Variants in C1GALT1 observed in about 807,000 individuals in gnomAD.
C1GALT1 encodes core 1 synthase, glycoprotein-N-acetylgalactosamine 3-beta-galactosyltransferase 1.
Under a neutral mutation model 31.0 loss-of-function variants are expected in C1GALT1, and 11 were observed. The ratio of observed to expected loss-of-function variants is 0.36; its 90% confidence interval spans 0.22 to 0.59. C1GALT1 has a LOEUF of 0.59. C1GALT1 is among the 20% of genes least tolerant of loss of function. C1GALT1 has a pLI of 0.79. For missense variants in C1GALT1, 424 were observed against 425.2 expected (o/e 1.00, Z 0.03); for synonymous variants, 175 against 143.6 (o/e 1.22, Z -1.56).
intron 1 of C1GALT1, among the ~76,000 whole-genome samples, chr7:7,201,112 GGT>G (rs1781514129): frequency 1.3e-5 from 2 of 152,136 alleles, no homozygotes; most frequent in African/African-American, 4.8e-5. Flanking sequence ...TTTCTGCTCT[GGT>G]TTCTCCCCAT....
In C1GALT1 at chr7:7,247,743, A is replaced by G. The variant is rs1194958311; in HGVS notation, c.*4016A>G. The G allele has an allele frequency of 3.3e-5, 5 of 151,978 alleles. No individual in the cohort carries two copies. Among genetic ancestry groups the G allele is most frequent in the African/African-American group, 1.2e-4 (5 of 41,418 alleles). The allele number at this position is 151,978 out of a possible 1,614,324, so 9.4% of individuals were successfully genotyped here. A position where few individuals can be genotyped will look rare whatever the true frequency, so the allele number is the denominator to read the frequency against. On this transcript the variant is annotated 3_prime_UTR_variant, in exon 4 of 4. Coordinates refer to ENST00000436587, the MANE Select transcript of C1GALT1 (RefSeq NM_020156.5). ...TTTATTGCCCTTCTTTGTTTGCTTT[A>G]TTACTAACTTCCATTTTCTAGTTAC...
rs1284650124 is a variant in C1GALT1, at chr7:7,238,980, A to G, written c.888+58A>G. ...CTTGGACTGACTGAATTTTGTTGAT[A>G]AAAACATGTTAATATGTGTATGTTT... On this transcript the variant is annotated intron_variant, in intron 3 of 3. Transcript: ENST00000436587. The surrounding 1 kb of genome is among the most constrained non-coding windows in gnomAD (Gnocchi z 5.2). The G allele has an allele frequency of 2.2e-6, 3 of 1,366,504 alleles. No homozygotes were observed. Among genetic ancestry groups the G allele is most frequent in the Admixed American group, 2.2e-5 (1 of 46,128 alleles). The allele number at this position is 1,366,504 out of a possible 1,614,324, so 84.6% of individuals were successfully genotyped here. A position where few individuals can be genotyped will look rare whatever the true frequency, so the allele number is the denominator to read the frequency against.
intron 1 of C1GALT1, among the ~76,000 whole-genome samples, chr7:7,190,491 A>C (rs1316791698): frequency 6.6e-6 from 1 of 152,178 alleles, no homozygotes; most frequent in Non-Finnish European, 1.5e-5. Flanking sequence ...TGATGTAGAG[A>C]ACAGTTTCTC....
At chr7:7,171,828 C>T (rs1780456853) in intron 2 of C1GALT1, among the ~76,000 whole-genome samples, 1 of 152,046 alleles carries the variant, frequency 6.6e-6, no homozygotes, top group Admixed American at 6.6e-5. Flanking sequence ...TGCATTGATA[C>T]CAACTTAACT....
At chr7:7,242,542 A>G (rs185692723) in intron 3 of C1GALT1, among the ~76,000 whole-genome samples, 2 of 152,140 alleles carry the variant, frequency 1.3e-5, no homozygotes, top group Admixed American at 6.5e-5. Context: ...AACTTGCCAG[A>G]CTATCTCCCT....
intron 1 of C1GALT1, among the ~76,000 whole-genome samples, chr7:7,228,540 C>CA (rs574651166): frequency 9.3e-4 from 142 of 151,890 alleles, no homozygotes; most frequent in African/African-American, 3.3e-3. Flanking sequence ...TGATTTTTGC[C>CA]AAAAATCTGA....
Position 7,189,332 on chromosome 7 carries a change from A to T in C1GALT1, c.-18+6512A>T, listed in dbSNP as rs151044462. ...TCAAGGCATAATTAGTTAAAAATTT[A>T]AAAAGATGTTGTGAAATGCCCTTCC... On this transcript the variant is annotated intron_variant, in intron 1 of 3. Transcript: ENST00000436587. Among the ~76,000 whole-genome samples, 38 of 152,312 alleles carry T rather than the reference A, an allele frequency of 2.5e-4. No individual in the cohort carries two copies. In the East Asian group the frequency reaches 7.3e-3, roughly 29 times the overall value.
At chr7:7,208,944 T>G (rs142413929) in intron 1 of C1GALT1, among the ~76,000 whole-genome samples, 3 of 152,212 alleles carry the variant, frequency 2.0e-5, no homozygotes, top group Non-Finnish European at 4.4e-5. Context: ...GTTTTCAGTA[T>G]ACTTTGAGAG....
At chr7:7,191,898 G>A (rs1781090553) in intron 1 of C1GALT1, among the ~76,000 whole-genome samples, 2 of 151,974 alleles carry the variant, frequency 1.3e-5, no homozygotes, top group Non-Finnish European at 2.9e-5. Context: ...CGATTTGCCT[G>A]TATTTTCACC....
chr7:7,223,777 T>A (rs1782623000), intron 1 of C1GALT1, among the ~76,000 whole-genome samples: 1 of 152,160 alleles, frequency 6.6e-6, no homozygotes, highest in Admixed American at 6.5e-5. Context: ...TCCTTTATTA[T>A]ACTGGCTAGA....
intron 1 of C1GALT1, among the ~76,000 whole-genome samples, chr7:7,218,410 A>AT (rs1235263898): frequency 1.3e-5 from 2 of 152,204 alleles, no homozygotes; most frequent in African/African-American, 4.8e-5. Context: ...TGAAGTCTCT[A>AT]TGGGGTTGTT....
At chr7:7,217,790 C>G (rs1403274653) in intron 1 of C1GALT1, among the ~76,000 whole-genome samples, 2 of 152,162 alleles carry the variant, frequency 1.3e-5, no homozygotes, top group African/African-American at 4.8e-5. Flanking sequence ...CCCACCTTGG[C>G]CTCCTAAAAT....
chr7:7,174,205 C>T (rs894460814), intron 2 of C1GALT1, among the ~76,000 whole-genome samples: 1 of 152,158 alleles, frequency 6.6e-6, no homozygotes, highest in South Asian at 2.1e-4. Flanking sequence ...TCCTTAGAGA[C>T]CCCATCTCCA....
intron 2 of C1GALT1, among the ~76,000 whole-genome samples, chr7:7,157,940 T>A (rs558912070): frequency 1.3e-5 from 2 of 152,324 alleles, no homozygotes; most frequent in African/African-American, 4.8e-5. Flanking sequence ...GTTCTTTATA[T>A]TTCAGGAACC....
chr7:7,178,039 A>G (rs1029827374), upstream of C1GALT1: 1 of 225,544 alleles, frequency 4.4e-6, no homozygotes, highest in Non-Finnish European at 9.5e-6. Flanking sequence ...AAAAGGCTGG[A>G]GCTGTGTTTA....
At chr7:7,196,111 C>T (rs140978863) in intron 1 of C1GALT1, among the ~76,000 whole-genome samples, 13 of 152,046 alleles carry the variant, frequency 8.6e-5, no homozygotes, top group East Asian at 1.9e-4. Context: ...ATGTGCACAA[C>T]GTGCACGTTT....
chr7:7,206,110 C>G (rs1027302706), intron 1 of C1GALT1, among the ~76,000 whole-genome samples: 1 of 152,102 alleles, frequency 6.6e-6, no homozygotes, highest in African/African-American at 2.4e-5. Context: ...AATTATGCTT[C>G]TTTACAATTC....
chr7:7,219,418 C>CTT (rs1782406119), intron 1 of C1GALT1, among the ~76,000 whole-genome samples: 1 of 151,020 alleles, frequency 6.6e-6, no homozygotes, highest in African/African-American at 2.4e-5. Context: ...ATGTTGATAA[C>CTT]AGGAAGCTAG....
intron 1 of C1GALT1, among the ~76,000 whole-genome samples, chr7:7,224,258 G>GT (rs143788001): frequency 2.7e-5 from 4 of 149,144 alleles, no homozygotes; most frequent in Non-Finnish European, 3.0e-5. Context: ...GTAGTCTGTA[G>GT]TTTTTTTTGG....
Sources: allele counts gnomAD v4.1 joint callset (sites outside exome capture counted in the v4.1 genomes callset), GRCh38; gene constraint gnomAD v4.1.1; non-coding constraint Gnocchi (gnomAD v3.1); transcripts MANE v1.5; gene names NCBI Gene and HGNC (gene_info 2026-07-23, HGNC 2026-07-21).